Variants in NPIPB2 observed in about 807,000 individuals in gnomAD.
The protein encoded by NPIPB2 is nuclear pore complex-interacting protein family member B2.
A neutral mutation model predicts 30.8 loss-of-function variants in NPIPB2; 27 were observed. The observed-to-expected ratio is 0.88, with a 90% CI of 0.65 to 1.21. NPIPB2 has a LOEUF of 1.21. Among genes scored for constraint, NPIPB2 ranks in the 50% most tolerant of loss-of-function variants. NPIPB2 has a pLI of 0.00. For missense variants in NPIPB2, 440 were observed against 446.2 expected (o/e 0.99, Z 0.13); for synonymous variants, 147 against 162.0 (o/e 0.91, Z 0.70).
intron 4 of NPIPB2, among the ~76,000 whole-genome samples, chr16:11,931,455 C>T (rs1652328052): frequency 1.3e-5 from 2 of 149,714 alleles, no homozygotes; most frequent in Non-Finnish European, 3.0e-5. Context: ...GGGGCGAAAA[C>T]ACTTCAAAGA....
At chr16:11,946,899 T>C (rs2055016138), upstream of NPIPB2, among the ~76,000 whole-genome samples, 1 of 151,730 alleles carries the variant, frequency 6.6e-6, no homozygotes. Flanking sequence ...TTTGTATTTT[T>C]AGTAGAGATG....
At chr16:11,936,303 G>T (rs1408660779) in intron 2 of NPIPB2, among the ~76,000 whole-genome samples, 1 of 151,872 alleles carries the variant, frequency 6.6e-6, no homozygotes, top group African/African-American at 2.4e-5. Flanking sequence ...GACTCGTCTT[G>T]AGGGTGAGAA....
Position 11,940,750 on chromosome 16 carries a change from ACT to A in NPIPB2, c.63+1231_63+1232del, listed in dbSNP as rs1330765402. Among the ~76,000 whole-genome samples, 1,010 of 110,668 alleles carry A rather than the reference ACT, an allele frequency of 9.1e-3. 6 individuals are homozygous for A. Among genetic ancestry groups the A allele is most frequent in the Non-Finnish European group, 0.014 (769 of 54,288 alleles). 72.6% of individuals were successfully genotyped at this position (110,668 alleles called of 152,430 possible). A position where few individuals can be genotyped will look rare whatever the true frequency, so the allele number is the denominator to read the frequency against. On this transcript the variant is annotated intron_variant, in intron 1 of 7. Coordinates refer to ENST00000399147, the Ensembl canonical transcript of NPIPB2. ...ACTCCAGCCTGGGCGACAGAGTGAG[ACT>A]CTGTCTAAAAAAAAAAAAAAAAAAA...
chr16:11,955,365 A>AAAG (rs2055101525), intron 1 of NPIPB2, among the ~76,000 whole-genome samples: 1 of 151,262 alleles, frequency 6.6e-6, no homozygotes, highest in East Asian at 1.9e-4. Flanking sequence ...AAAAAAAAAA[A>AAAG]AAAAAAAAAA....
chr16:11,962,360 A>G (rs920259245), intron 1 of NPIPB2, among the ~76,000 whole-genome samples: 2 of 151,970 alleles, frequency 1.3e-5, no homozygotes, highest in Admixed American at 1.3e-4. Flanking sequence ...TTAGCTGGGC[A>G]TGGTGGCGCA....
chr16:11,937,754 A>G, intron 1 of NPIPB2, 86 bp from the exon 2 acceptor site: 2 of 1,506,964 alleles, frequency 1.3e-6, no homozygotes, highest in Non-Finnish European at 1.8e-6. Flanking sequence ...GAAACCGTCA[A>G]CCTCCTCCAA....
intron 1 of NPIPB2, among the ~76,000 whole-genome samples, chr16:11,973,999 G>A (rs1300755430): frequency 6.6e-6 from 1 of 152,142 alleles, no homozygotes; most frequent in African/African-American, 2.4e-5. Context: ...GAAAGCATTT[G>A]TTCAGGTGTG....
chr16:11,943,800 C>T (rs1296476249), upstream of NPIPB2, among the ~76,000 whole-genome samples: 1 of 151,112 alleles, frequency 6.6e-6, no homozygotes, highest in African/African-American at 2.4e-5. Flanking sequence ...AGATCGAGAC[C>T]ATCCTGGCTA....
At chr16:11,966,342 G>C (rs561569626) in intron 1 of NPIPB2, 2 of 1,609,126 alleles carry the variant, frequency 1.2e-6, no homozygotes, top group Non-Finnish European at 1.7e-6. Context: ...AAAAACACAG[G>C]TTGGTTTGAT....
At chr16:11,953,753 T>C (rs2055088143) in intron 1 of NPIPB2, among the ~76,000 whole-genome samples, 1 of 144,600 alleles carries the variant, frequency 6.9e-6, no homozygotes, top group Non-Finnish European at 1.5e-5. Context: ...CCTTTCTCTG[T>C]GGTCTGGGCT....
chr16:11,946,194 T>G (rs554067391), upstream of NPIPB2, among the ~76,000 whole-genome samples: 20 of 152,040 alleles, frequency 1.3e-4, no homozygotes, highest in African/African-American at 4.8e-4. Flanking sequence ...AAGACCAGCC[T>G]GACCAACATG....
intron 1 of NPIPB2, among the ~76,000 whole-genome samples, chr16:11,957,483 G>A (rs1389458845): frequency 2.0e-5 from 3 of 151,508 alleles, no homozygotes; most frequent in African/African-American, 7.3e-5. Flanking sequence ...TTGTACAGAC[G>A]GGGTTTCACC....
intron 1 of NPIPB2, chr16:11,965,185 A>G: frequency 9.3e-7 from 1 of 1,079,590 alleles, no homozygotes; most frequent in Non-Finnish European, 1.3e-6. Context: ...AGCCCCCGTA[A>G]GAACCCACGA....
intron 1 of NPIPB2, chr16:11,965,451 G>A: frequency 6.2e-7 from 1 of 1,613,982 alleles, no homozygotes; most frequent in South Asian, 1.1e-5. Context: ...TTATTGTAAT[G>A]CAAGTAAGTA....
At chr16:11,951,197 C>T (rs1465912596) in intron 1 of NPIPB2, among the ~76,000 whole-genome samples, 1 of 151,904 alleles carries the variant, frequency 6.6e-6, no homozygotes, top group Admixed American at 6.6e-5. Context: ...TGGCTCATGC[C>T]TGTAATCCCA....
At chr16:11,972,813 G>A (rs1372423890) in intron 1 of NPIPB2, among the ~76,000 whole-genome samples, 1 of 149,994 alleles carries the variant, frequency 6.7e-6, no homozygotes, top group Non-Finnish European at 1.5e-5. Flanking sequence ...GCAGTGAGCC[G>A]AGATCACGCC....
chr16:11,944,607 A>G (rs1596497022), upstream of NPIPB2, among the ~76,000 whole-genome samples: 1 of 151,156 alleles, frequency 6.6e-6, no homozygotes, highest in South Asian at 2.1e-4. Flanking sequence ...TACTAAAAAT[A>G]CAAAAATTAG....
At chr16:11,976,561 G>A (rs2055300844) in intron 1 of NPIPB2, 1 of 360,276 alleles carries the variant, frequency 2.8e-6, no homozygotes, top group African/African-American at 2.1e-5. Flanking sequence ...CGGGGTCTCG[G>A]GTTTACCCTG....
chr16:11,959,124 G>C (rs923259969), intron 1 of NPIPB2, among the ~76,000 whole-genome samples: 2 of 152,188 alleles, frequency 1.3e-5, no homozygotes, highest in African/African-American at 4.8e-5. Context: ...GCACCACTTT[G>C]CTTCCTTAGA....
Sources: allele counts gnomAD v4.1 joint callset (sites outside exome capture counted in the v4.1 genomes callset), GRCh38; gene constraint gnomAD v4.1.1; transcripts MANE v1.5; gene names NCBI Gene and HGNC (gene_info 2026-07-23, HGNC 2026-07-21).